Variants in ART1 observed in about 807,000 individuals in gnomAD.
ART1 encodes the protein ADP-ribosyltransferase 1, also known as GPI-linked NAD(P)(+)--arginine ADP-ribosyltransferase 1.
In ART1, 29 loss-of-function variants were observed where a neutral mutation model predicts 27.0. The observed-to-expected ratio is 1.08, with a 90% confidence interval of 0.80 to 1.47. The LOEUF is 1.47. ART1 is among the 40% of genes most tolerant of loss of function. The pLI is 0.00. For synonymous variants in ART1, 201 were observed against 172.2 expected, an observed-to-expected ratio of 1.17 and a Z score of -1.31; for missense variants, 480 against 423.0, an observed-to-expected ratio of 1.13 and a Z score of -1.18.
chr11:3,659,297 TC>T (rs1166877926), intron 2 of ART1, 21 bp downstream of exon 2: 1 of 1,614,010 alleles, frequency 6.2e-7, no homozygotes, highest in Non-Finnish European at 8.5e-7. Flanking sequence ...CCCCCACTGT[TC>T]CCACCCCAGC....
At chr11:3,658,334 GAAAA>G (rs565452996) in intron 1 of ART1, among the ~76,000 whole-genome samples, 1 of 128,456 alleles carries the variant, frequency 7.8e-6, no homozygotes, top group Non-Finnish European at 1.7e-5. Flanking sequence ...CTTGGTCTCG[GAAAA>G]AAAAAAAAAA....
At chr11:3,658,164 C>T (rs1034202626) in intron 1 of ART1, among the ~76,000 whole-genome samples, 2 of 151,838 alleles carry the variant, frequency 1.3e-5, no homozygotes, top group African/African-American at 4.8e-5. Flanking sequence ...GAAACCCCGT[C>T]TTTACTAAAA....
chr11:3,651,516 A>G (rs1279853359), intron 1 of ART1, among the ~76,000 whole-genome samples: 1 of 142,986 alleles, frequency 7.0e-6, no homozygotes, highest in Non-Finnish European at 1.5e-5. Context: ...CCAGGACCGC[A>G]TCCTATAGCC....
At chr11:3,653,611 T>G (rs558677089) in intron 1 of ART1, among the ~76,000 whole-genome samples, 12 of 152,224 alleles carry the variant, frequency 7.9e-5, no homozygotes, top group Non-Finnish European at 1.6e-4. Flanking sequence ...GCCTGTTTGG[T>G]GGTCTCTTCA....
In ART1 at chr11:3,659,932, C is replaced by T. The variant is rs774042346; in HGVS notation, c.413C>T (p.Ala138Val). 2.5e-5 allele frequency: 40 copies of T among 1,613,128 alleles called. No individual in the cohort carries two copies. The highest frequency in any genetic ancestry group is 2.1e-4 in the South Asian group (19 of 90,948). The change falls in exon 3 of 5, where the codon GCG (alanine) becomes GTG (valine). Residue 138 changes from alanine (A) to valine (V), a missense_variant. Physicochemically the swap from Ala to Val is moderately conservative, Grantham distance 64. Coordinates refer to ENST00000250693, the MANE Select transcript of ART1 (RefSeq NM_004314.3). ...HKEFNAAVRE[A>V]GRSRAHYLHH... is the part of the protein sequence containing the mutation. ...GAGTTCAATGCAGCCGTGCGTGAGG[C>T]GGGCCGCTCCCGGGCCCACTACCTC...
chr11:3,651,300 C>G (rs1255594637), intron 1 of ART1, among the ~76,000 whole-genome samples: 4 of 150,556 alleles, frequency 2.7e-5, no homozygotes, highest in Non-Finnish European at 5.9e-5. Context: ...GCTGTACTGC[C>G]GCAAGGCTTC....
At chr11:3,655,024 A>T (rs1446594563) in intron 1 of ART1, among the ~76,000 whole-genome samples, 1 of 152,228 alleles carries the variant, frequency 6.6e-6, no homozygotes, top group Admixed American at 6.5e-5. Flanking sequence ...AGTGGCAAAC[A>T]AACATTTACT....
chr11:3,655,222 C>G (rs1441281211), intron 1 of ART1, among the ~76,000 whole-genome samples: 1 of 152,188 alleles, frequency 6.6e-6, no homozygotes, highest in Non-Finnish European at 1.5e-5. Flanking sequence ...AGAAAAGACT[C>G]TCAGTTTCCT....
chr11:3,664,009 G>A (rs1008745702), intron 4 of ART1, 83 bp from the exon 5 acceptor site: 20 of 1,306,660 alleles, frequency 1.5e-5, no homozygotes, highest in Admixed American at 5.5e-5. Flanking sequence ...GTATCTGCAT[G>A]TCCCCACTTT....
intron 1 of ART1, among the ~76,000 whole-genome samples, chr11:3,647,372 A>G (rs1161759489): frequency 6.6e-6 from 1 of 150,886 alleles, no homozygotes; most frequent in Non-Finnish European, 1.5e-5. Context: ...GCGGTGGCTC[A>G]GGCCTATAAT....
chr11:3,664,197 G>A lies in ART1; in HGVS notation c.*8G>A, dbSNP rs1042417236. The A allele has an allele frequency of 6.2e-7, 1 of 1,613,030 alleles. No homozygotes were observed. Among genetic ancestry groups the A allele is most frequent in the Non-Finnish European group, 8.5e-7 (1 of 1,179,698 alleles). On this transcript the variant is annotated 3_prime_UTR_variant, in exon 5 of 5. Coordinates refer to ENST00000250693, the MANE Select transcript of ART1 (RefSeq NM_004314.3). Reference sequence around the variant, plus strand: ...GGTCCAGGCCTCCTTTGATGCATGAGACACGGGACAGCCTCGCCTGCTGCC... The same window carrying A: ...GGTCCAGGCCTCCTTTGATGCATGAAACACGGGACAGCCTCGCCTGCTGCC...
intron 1 of ART1, among the ~76,000 whole-genome samples, chr11:3,648,214 T>C (rs1208788833): frequency 6.6e-6 from 1 of 152,188 alleles, no homozygotes; most frequent in Non-Finnish European, 1.5e-5. Flanking sequence ...GCTGACTCTC[T>C]TTTCGGACTC....
chr11:3,660,037 G>A lies in ART1; in HGVS notation c.518G>A (p.Arg173Gln), dbSNP rs762197868. ...CTGGGCAGCGGCCAGCGTCCACCCC[G>A]GTGCCACCAGGTGTTCCGAGGTGTG... ...QLLGSGQRPPRCHQVFRGVHG... is the reference protein window; with the variant it reads ...QLLGSGQRPPQCHQVFRGVHG... Residue 173 changes from arginine (R) to glutamine (Q), a missense_variant, in exon 3 of 5, where the codon CGG becomes CAG. Arg to Gln is a conservative substitution (Grantham distance 43). Transcript: ENST00000250693. 15 of 1,613,508 alleles carry A rather than the reference G, an allele frequency of 9.3e-6. No homozygotes were observed. The highest frequency in any genetic ancestry group is 4.0e-5 in the African/African-American group (3 of 74,916).
chr11:3,659,510 G>A, intron 2 of ART1, 73 bp from the exon 3 acceptor site: 4 of 1,497,902 alleles, frequency 2.7e-6, no homozygotes, highest in Non-Finnish European at 3.6e-6. Context: ...CAGTGGAGGG[G>A]AGAGCTGGAT....
intron 1 of ART1, among the ~76,000 whole-genome samples, chr11:3,653,678 C>T (rs372737795): frequency 6.6e-6 from 1 of 152,142 alleles, no homozygotes; most frequent in African/African-American, 2.4e-5. Flanking sequence ...CTCCGCTTCT[C>T]CTCTGTGTTT....
intron 2 of ART1, 138 bp from the exon 3 acceptor site, chr11:3,659,445 G>C (rs533925625): frequency 3.0e-6 from 4 of 1,355,304 alleles, no homozygotes; most frequent in Non-Finnish European, 4.0e-6. Context: ...ATTACAGCCA[G>C]AGGTTCCCAA....
chr11:3,659,183 A>G lies in ART1; in HGVS notation c.-31A>G, dbSNP rs1048769027. On this transcript the variant is annotated 5_prime_UTR_variant, in exon 2 of 5. Coordinates refer to ENST00000250693, the MANE Select transcript of ART1 (RefSeq NM_004314.3). Reference sequence around the variant, plus strand: ...CCAGATGAGGAAACTGAGACCCAAAAAGAGACAGCAACTGGCCCAGGGTCA... The same window carrying G: ...CCAGATGAGGAAACTGAGACCCAAAGAGAGACAGCAACTGGCCCAGGGTCA... 1 of 1,612,828 alleles carries G rather than the reference A, an allele frequency of 6.2e-7. No homozygotes were observed. Among genetic ancestry groups the G allele is most frequent in the African/African-American group, 1.3e-5 (1 of 75,024 alleles).
intron 1 of ART1, among the ~76,000 whole-genome samples, chr11:3,653,762 C>T (rs538244016): frequency 1.2e-4 from 18 of 152,042 alleles, no homozygotes; most frequent in Admixed American, 9.8e-4. Context: ...GCCCATCAGA[C>T]ATCAAGTCTT....
At chr11:3,663,462 T>C (rs1340694982) in intron 4 of ART1, among the ~76,000 whole-genome samples, 1 of 152,208 alleles carries the variant, frequency 6.6e-6, no homozygotes, top group Non-Finnish European at 1.5e-5. Context: ...CTTAAATCCA[T>C]GTTTCATCCC....
Sources: allele counts gnomAD v4.1 joint callset (sites outside exome capture counted in the v4.1 genomes callset), GRCh38; gene constraint gnomAD v4.1.1; transcripts MANE v1.5; gene names NCBI Gene and HGNC (gene_info 2026-07-23, HGNC 2026-07-21).